CHSY3: variants seen among roughly 807,000 people sequenced by gnomAD.
CHSY3 encodes chondroitin sulfate synthase 3, also known as N-acetylgalactosaminyl-proteoglycan 3-beta-glucuronosyltransferase 3.
Under a neutral mutation model 67.2 loss-of-function variants are expected in CHSY3, and 35 were observed. The observed-to-expected ratio is 0.52, with a 90% CI of 0.40 to 0.69. CHSY3 has a LOEUF of 0.69. Among genes scored for constraint, CHSY3 ranks in the 30% least tolerant of loss-of-function variants. The pLI, the probability that CHSY3 is intolerant of heterozygous loss-of-function variation, is 0.00. For missense variants in CHSY3, 1,069 were observed against 1,138.5 expected, an observed-to-expected ratio of 0.94 and a Z score of 0.88; for synonymous variants, 474 against 434.7, an observed-to-expected ratio of 1.09 and a Z score of -1.12.
chr5:130,021,571 C>A (rs187901928), intron 2 of CHSY3, among the ~76,000 whole-genome samples: 1 of 151,296 alleles, frequency 6.6e-6, no homozygotes, highest in Non-Finnish European at 1.5e-5. Flanking sequence ...TCTTTTTTTT[C>A]CCCCGTCTCA....
intron 2 of CHSY3, among the ~76,000 whole-genome samples, chr5:129,909,592 G>A (rs1308384450): frequency 6.6e-6 from 1 of 151,886 alleles, no homozygotes; most frequent in Non-Finnish European, 1.5e-5. Context: ...GATTTCTTTT[G>A]ATAATAAAAT....
intron 2 of CHSY3, among the ~76,000 whole-genome samples, chr5:130,156,347 A>C (rs1769375102): frequency 6.6e-6 from 1 of 152,198 alleles, no homozygotes; most frequent in South Asian, 2.1e-4. Flanking sequence ...CATCTAGGCC[A>C]CCTTAATGCC....
chr5:129,936,326 A>C (rs1232697215), intron 2 of CHSY3, among the ~76,000 whole-genome samples: 1 of 152,184 alleles, frequency 6.6e-6, no homozygotes, highest in Non-Finnish European at 1.5e-5. Context: ...TTTTTTTTAA[A>C]AAGGATCTTG....
chr5:130,096,758 A>G (rs1190825160), intron 2 of CHSY3, among the ~76,000 whole-genome samples: 1 of 152,110 alleles, frequency 6.6e-6, no homozygotes, highest in Non-Finnish European at 1.5e-5. Context: ...CAGTTGTACC[A>G]ATTTTTATTT....
intron 2 of CHSY3, among the ~76,000 whole-genome samples, chr5:129,971,652 A>C (rs1227039903): frequency 1.3e-5 from 2 of 152,114 alleles, no homozygotes; most frequent in Middle Eastern, 3.4e-3. Flanking sequence ...TTCAGGGTCA[A>C]GTTTACCTAC....
At chr5:130,174,504 G>A (rs173632) in intron 2 of CHSY3, among the ~76,000 whole-genome samples, 61,333 of 151,836 alleles carry the variant, frequency 0.4, 13,631 homozygotes, top group Non-Finnish European at 0.5. Context: ...ATGATCTGAA[G>A]TCAAATGATA....
chr5:129,945,923 T>C (rs983353113), intron 2 of CHSY3, among the ~76,000 whole-genome samples: 1 of 152,156 alleles, frequency 6.6e-6, no homozygotes, highest in Admixed American at 6.6e-5. Context: ...ATTCTGTAGA[T>C]GTGAGCTCTG....
At chr5:130,117,383 C>T (rs1767845082) in intron 2 of CHSY3, among the ~76,000 whole-genome samples, 1 of 152,142 alleles carries the variant, frequency 6.6e-6, no homozygotes, top group Non-Finnish European at 1.5e-5. Flanking sequence ...GAAAATGAAG[C>T]CCAAAGAAGT....
At chr5:130,130,961 A>G (rs894344266) in intron 2 of CHSY3, among the ~76,000 whole-genome samples, 1 of 152,114 alleles carries the variant, frequency 6.6e-6, no homozygotes, top group Non-Finnish European at 1.5e-5. Flanking sequence ...TCCCTGATCC[A>G]TTACTAAGGG....
intron 2 of CHSY3, among the ~76,000 whole-genome samples, chr5:130,023,402 T>G (rs1580659554): frequency 6.6e-6 from 1 of 152,142 alleles, no homozygotes; most frequent in South Asian, 2.1e-4. Context: ...CTTTTACTTT[T>G]TCAGAGGTCA....
At position 129,938,708 on chromosome 5, in the gene CHSY3, C is replaced by G. The variant is rs574529798; in HGVS notation, c.1086+30348C>G. ...AAGCATAACAAGTGTGACCTTTGCT[C>G]TAGTTCCCAATGAGTTTCTCATCTC... On this transcript the variant is annotated intron_variant, in intron 2 of 2. Transcript: ENST00000305031. 4.6e-5 allele frequency among the ~76,000 whole-genome samples: 7 copies of G among 152,308 alleles called. No individual in the cohort carries two copies. The South Asian group carries it at 1.4e-3, about 32-fold the overall frequency.
intron 2 of CHSY3, among the ~76,000 whole-genome samples, chr5:129,988,322 C>G (rs892005768): frequency 6.6e-6 from 1 of 152,176 alleles, no homozygotes; most frequent in African/African-American, 2.4e-5. Context: ...AGGCATAGCT[C>G]ATTCATCTAA....
At chr5:129,945,509 T>C in intron 2 of CHSY3, among the ~76,000 whole-genome samples, 1 of 98,490 alleles carries the variant, frequency 1.0e-5, no homozygotes, top group South Asian at 2.9e-4. Flanking sequence ...CTCATAAACA[T>C]TGACTTTATA....
intron 2 of CHSY3, among the ~76,000 whole-genome samples, chr5:130,061,854 G>A: frequency 6.6e-6 from 1 of 151,632 alleles, no homozygotes; most frequent in Admixed American, 6.6e-5. Flanking sequence ...CAATGAAATA[G>A]CATCTTACAT....
chr5:130,115,459 A>G (rs897737483), intron 2 of CHSY3, among the ~76,000 whole-genome samples: 1 of 152,154 alleles, frequency 6.6e-6, no homozygotes, highest in Non-Finnish European at 1.5e-5. Flanking sequence ...ATGTCTCCAG[A>G]TTACCATAGC....
intron 2 of CHSY3, among the ~76,000 whole-genome samples, chr5:129,912,426 C>T (rs1414251799): frequency 6.6e-6 from 1 of 152,096 alleles, no homozygotes; most frequent in African/African-American, 2.4e-5. Context: ...TGGGAACCTC[C>T]TCCTGGTGTA....
At chr5:130,091,274 ACT>A (rs1307003173) in intron 2 of CHSY3, among the ~76,000 whole-genome samples, 3 of 151,950 alleles carry the variant, frequency 2.0e-5, no homozygotes, top group Non-Finnish European at 4.4e-5. Context: ...AAAAAGTGAG[ACT>A]CTGTATTTTT....
intron 2 of CHSY3, among the ~76,000 whole-genome samples, chr5:130,102,200 A>G (rs1305605921): frequency 6.6e-6 from 1 of 152,090 alleles, no homozygotes; most frequent in Non-Finnish European, 1.5e-5. Flanking sequence ...CAAAACATCA[A>G]GATTCTGGCA....
intron 2 of CHSY3, among the ~76,000 whole-genome samples, chr5:130,129,988 T>C (rs1768427824): frequency 6.6e-6 from 1 of 152,188 alleles, no homozygotes; most frequent in Non-Finnish European, 1.5e-5. Context: ...TCGTTACAAT[T>C]ATTTAAAATA....
Sources: gnomAD v4.1 joint callset for allele counts (sites outside exome capture counted in the v4.1 genomes callset) on GRCh38, gnomAD v4.1.1 for gene constraint, MANE v1.5 for transcripts, NCBI Gene and HGNC (gene_info 2026-07-23, HGNC 2026-07-21) for gene names.